The following CDH26 variants were observed in gnomAD, a reference collection of about 807,000 sequenced individuals.
CDH26 encodes the protein cadherin 26, also known as cadherin-like protein 26.
A neutral mutation model predicts 90.3 loss-of-function variants in CDH26; 83 were observed. That is an observed-to-expected ratio of 0.92 (90% CI 0.77 to 1.10). The LOEUF is 1.10. CDH26 is among the 50% of genes least tolerant of loss of function. The pLI is 0.00. For synonymous variants in CDH26, 397 were observed against 396.3 expected (o/e 1.00, Z -0.02); for missense variants, 1,013 against 1,037.6 (o/e 0.98, Z 0.33).
At chr20:59,980,823 A>G (rs2061386763) in intron 4 of CDH26, among the ~76,000 whole-genome samples, 1 of 152,192 alleles carries the variant, frequency 6.6e-6, no homozygotes, top group African/African-American at 2.4e-5. Flanking sequence ...TGGTGGTGTT[A>G]TCTAACACAT....
intron 11 of CDH26, among the ~76,000 whole-genome samples, chr20:59,994,946 G>GT (rs1162832512): frequency 6.6e-6 from 1 of 152,190 alleles, no homozygotes; most frequent in East Asian, 1.9e-4. Flanking sequence ...TTCAGGAAGT[G>GT]TGGGCTTCCC....
intron 4 of CDH26, among the ~76,000 whole-genome samples, chr20:59,974,053 A>T (rs2061297620): frequency 2.0e-5 from 3 of 152,190 alleles, no homozygotes; most frequent in Non-Finnish European, 4.4e-5. Context: ...CCTCACCAGC[A>T]TCTGTTGTTT....
chr20:59,966,219 A>G (rs886184321), intron 1 of CDH26, among the ~76,000 whole-genome samples: 10 of 144,548 alleles, frequency 6.9e-5, no homozygotes. Context: ...TTCAAGTAAA[A>G]TGGTGTTGCA....
At chr20:59,979,228 CT>C in intron 4 of CDH26, among the ~76,000 whole-genome samples, 1 of 124,202 alleles carries the variant, frequency 8.1e-6, no homozygotes, top group African/African-American at 3.3e-5. Context: ...GAGACGGAGT[CT>C]TGTTCTGTCG....
rs1241914331 is a variant in CDH26, at chr20:60,001,428, T to TGCTCCCTGCTACGGC, written c.2166+18_2166+32dup. 6.2e-7 allele frequency: 1 copy of TGCTCCCTGCTACGGC among 1,613,078 alleles called. No individual in the cohort carries two copies. Among genetic ancestry groups the TGCTCCCTGCTACGGC allele is most frequent in the Non-Finnish European group, 8.5e-7 (1 of 1,179,554 alleles). ...GGGAGCTGGGTGAGTTCCAGAAGGT[T>TGCTCCCTGCTACGGC]GCTCCCTGCTACGGCCATCTCACTA... On this transcript the variant is annotated intron_variant, in intron 15 of 17. Coordinates refer to ENST00000348616, the MANE Select transcript of CDH26 (RefSeq NM_177980.4).
downstream of CDH26, among the ~76,000 whole-genome samples, chr20:60,019,209 T>C (rs904406727): frequency 1.3e-5 from 2 of 152,166 alleles, no homozygotes; most frequent in Admixed American, 6.5e-5. Context: ...TTGGAGTGAA[T>C]CTATTTGGAG....
chr20:60,013,055 G>A lies in CDH26; in HGVS notation c.*325G>A, dbSNP rs2061868961. The A allele has an allele frequency of 2.0e-5, 4 of 199,948 alleles. No individual in the cohort carries two copies. The highest frequency in any genetic ancestry group is 3.0e-5 in the Non-Finnish European group (3 of 99,282). The allele number at this position is 199,948 out of a possible 1,614,324, so 12.4% of individuals were successfully genotyped here. A position where few individuals can be genotyped will look rare whatever the true frequency, so the allele number is the denominator to read the frequency against. ...GAAAATATAACCCATAGATTACCCA[G>A]CCACTTGGGAACAGCAGGTAATACT... On this transcript the variant is annotated 3_prime_UTR_variant, in exon 18 of 18. Transcript: ENST00000348616.
At chr20:60,034,255 CA>C (rs1354836935), downstream of CDH26, among the ~76,000 whole-genome samples, 1 of 152,198 alleles carries the variant, frequency 6.6e-6, no homozygotes, top group Non-Finnish European at 1.5e-5. Context: ...CATAAAGCCA[CA>C]TTGTTCGAAG....
chr20:59,963,347 C>T (rs1475778728), intron 1 of CDH26, among the ~76,000 whole-genome samples: 2 of 149,390 alleles, frequency 1.3e-5, no homozygotes, highest in Non-Finnish European at 3.0e-5. Flanking sequence ...GCCTCCCAGA[C>T]TCATGCGATC....
At chr20:60,003,107 G>A (rs1323000726) in intron 16 of CDH26, among the ~76,000 whole-genome samples, 6 of 152,178 alleles carry the variant, frequency 3.9e-5, no homozygotes, top group African/African-American at 4.8e-5. Context: ...TTCTTTTGCT[G>A]TTGAGTTGCT....
Position 60,014,190 on chromosome 20 carries a change from C to G in CDH26, c.*1460C>G, listed in dbSNP as rs182381583. The G allele has an allele frequency of 5.9e-5, 9 of 152,070 alleles. No homozygotes were observed. The highest frequency in any genetic ancestry group is 2.2e-4 in the African/African-American group (9 of 41,464). The allele number at this position is 152,070 out of a possible 1,614,324, so 9.4% of individuals were successfully genotyped here. ...AAATAATTGACATATAATAATTGTA[C>G]ATATTTAGGGGGTACATAGTCATGT... is the stretch of plus-strand genomic sequence containing the variant. On this transcript the variant is annotated 3_prime_UTR_variant, in exon 18 of 18. Coordinates refer to ENST00000348616, the MANE Select transcript of CDH26 (RefSeq NM_177980.4).
In CDH26 at chr20:59,987,428, T is replaced by C. The variant is rs756101943; in HGVS notation, c.838-25T>C. On this transcript the variant is annotated intron_variant, in intron 7 of 17. Transcript: ENST00000348616. ...CAATTGTGTTTTTGTTTCCATGACA[T>C]GGACATGATGATTGCTTCTTTCAGT... 9 of 1,586,782 alleles carry C rather than the reference T, an allele frequency of 5.7e-6. No individual in the cohort carries two copies. In the South Asian group the frequency reaches 6.9e-5, roughly 12 times the overall value.
chr20:59,977,898 A>C (rs2061345817), intron 4 of CDH26, among the ~76,000 whole-genome samples: 1 of 151,744 alleles, frequency 6.6e-6, no homozygotes, highest in African/African-American at 2.4e-5. Context: ...CTGCTCTAAA[A>C]CTCTCTGGGC....
rs960401402 is a variant in CDH26, at chr20:59,984,809, A to T, written c.708+4A>T. Reference sequence around the variant, plus strand: ...CTCTGGCTGCTTAGATTATGAGGTTATGTGGATTTTATTATTTTTTTTAAA... The same window carrying T: ...CTCTGGCTGCTTAGATTATGAGGTTTTGTGGATTTTATTATTTTTTTTAAA... On this transcript the variant is annotated splice_donor_region_variant and intron_variant, in intron 6 of 17. Transcript: ENST00000348616. The T allele has an allele frequency of 1.9e-6, 3 of 1,596,464 alleles. No homozygotes were observed. The African/African-American group carries it at 4.1e-5, about 22-fold the overall frequency.
intron 7 of CDH26, among the ~76,000 whole-genome samples, chr20:60,020,635 T>C (rs561951506): frequency 6.6e-6 from 1 of 152,278 alleles, no homozygotes; most frequent in South Asian, 2.1e-4. Flanking sequence ...TTGCGACTGA[T>C]CTCCAGAGCA....
intron 4 of CDH26, among the ~76,000 whole-genome samples, chr20:59,979,484 G>A (rs1014350479): frequency 7.9e-5 from 12 of 151,000 alleles, no homozygotes; most frequent in Admixed American, 2.0e-4. Flanking sequence ...GGCGTGAGCC[G>A]CCGTGCCCAG....
intron 16 of CDH26, among the ~76,000 whole-genome samples, chr20:60,004,912 A>G (rs1016682281): frequency 1.3e-5 from 2 of 151,530 alleles, no homozygotes; most frequent in African/African-American, 2.4e-5. Context: ...GTATGTATGC[A>G]TGTGTATATA....
At chr20:59,993,896 C>A (rs2061558915) in intron 10 of CDH26, among the ~76,000 whole-genome samples, 1 of 152,128 alleles carries the variant, frequency 6.6e-6, no homozygotes, top group African/African-American at 2.4e-5. Flanking sequence ...CATTTGCCTC[C>A]CCTTGGGGAC....
At chr20:59,967,450 G>T (rs1377441273) in intron 1 of CDH26, among the ~76,000 whole-genome samples, 1 of 151,926 alleles carries the variant, frequency 6.6e-6, no homozygotes, top group Non-Finnish European at 1.5e-5. Flanking sequence ...ATTATAACTG[G>T]CAAGAATCTT....
Sources: allele counts gnomAD v4.1 joint callset (sites outside exome capture counted in the v4.1 genomes callset), GRCh38; gene constraint gnomAD v4.1.1; transcripts MANE v1.5; gene names NCBI Gene and HGNC (gene_info 2026-07-23, HGNC 2026-07-21).